The following RBPJ variants were observed in gnomAD, a reference collection of about 807,000 sequenced individuals.
RBPJ encodes recombining binding protein suppressor of hairless.
In RBPJ, 9 loss-of-function variants were observed where a neutral mutation model predicts 67.8. That is an observed-to-expected ratio of 0.13 (90% CI 0.08 to 0.23). The LOEUF is 0.23. RBPJ is among the 10% of genes least tolerant of loss of function. RBPJ has a pLI of 1.00. For synonymous variants in RBPJ, 198 were observed against 203.3 expected, an observed-to-expected ratio of 0.97 and a Z score of 0.22; for missense variants, 305 against 595.6, an observed-to-expected ratio of 0.51 and a Z score of 5.08.
At chr4:26,355,448 G>C (rs1253788232) in intron 1 of RBPJ, among the ~76,000 whole-genome samples, 1 of 147,022 alleles carries the variant, frequency 6.8e-6, no homozygotes, top group Non-Finnish European at 1.5e-5. Context: ...AGGAATTTGA[G>C]ACCATCCTGG....
chr4:26,109,579 C>CTCTCTCTCTA, the RBPJ span, among the ~76,000 whole-genome samples: 5 of 29,392 alleles, frequency 1.7e-4, 1 homozygote, highest in African/African-American at 1.0e-3. Context: ...CTCTCTCTCT[C>CTCTCTCTCTA]TATATATATA....
At chr4:26,385,136 T>G (rs1344576067) in intron 1 of RBPJ, among the ~76,000 whole-genome samples, 1 of 150,078 alleles carries the variant, frequency 6.7e-6, no homozygotes, top group Non-Finnish European at 1.5e-5. Flanking sequence ...TTCTCCTGCC[T>G]CAGCCTCCCA....
At chr4:26,109,889 T>G in the RBPJ span, among the ~76,000 whole-genome samples, 12 of 152,050 alleles carry the variant, frequency 7.9e-5, no homozygotes, top group Non-Finnish European at 1.5e-4. Context: ...ATCACCTTAT[T>G]CATTCTCCCA....
intron 1 of RBPJ, among the ~76,000 whole-genome samples, chr4:26,289,046 A>G (rs1721572617): frequency 6.6e-6 from 1 of 150,966 alleles, no homozygotes; most frequent in African/African-American, 2.4e-5. Flanking sequence ...TTTTATGTTT[A>G]ACTTACATAC....
chr4:26,373,698 G>A (rs541560902), intron 1 of RBPJ, among the ~76,000 whole-genome samples: 2 of 152,266 alleles, frequency 1.3e-5, no homozygotes, highest in Admixed American at 6.5e-5. Context: ...AGTGTAAGCC[G>A]TACATTCAGA....
intron 1 of RBPJ, among the ~76,000 whole-genome samples, chr4:26,288,483 A>G (rs1259934067): frequency 6.6e-6 from 1 of 152,234 alleles, no homozygotes; most frequent in Non-Finnish European, 1.5e-5. Flanking sequence ...GCCACAATGC[A>G]TGTAATGACT....
At chr4:26,380,142 A>T (rs1333884403) in intron 1 of RBPJ, among the ~76,000 whole-genome samples, 4 of 152,350 alleles carry the variant, frequency 2.6e-5, no homozygotes, top group African/African-American at 9.6e-5. Context: ...GTGGAGAATG[A>T]GTAAACTTTT....
rs796423626 is a variant in RBPJ, at chr4:26,214,712, G to GGAAGGA, written c.-167+51100_-167+51101insAGGAGA. Among the ~76,000 whole-genome samples, 238 of 43,846 alleles carry GGAAGGA rather than the reference G, an allele frequency of 5.4e-3. 10 individuals are homozygous for GGAAGGA. Among genetic ancestry groups the GGAAGGA allele is most frequent in the African/African-American group, 0.025 (215 of 8,686 alleles). The allele number at this position is 43,846 out of a possible 152,430, so 28.8% of individuals were successfully genotyped here. ...AGGGAGGAAGGATGGAAGGAAGGAAGGAGAGAGAGAGAAAGAAAGAGGGAA... is the reference window on the plus strand; with the variant it reads ...AGGGAGGAAGGATGGAAGGAAGGAAGGAAGGAGAGAGAGAGAGAAAGAAAGAGGGAA... On this transcript the variant is annotated intron_variant, in intron 1 of 4. Transcript: ENST00000512351.
intron 1 of RBPJ, among the ~76,000 whole-genome samples, chr4:26,210,450 G>A (rs764529812): frequency 8.5e-5 from 13 of 152,112 alleles, no homozygotes; most frequent in African/African-American, 1.7e-4. Context: ...GAGGGCAATC[G>A]CATCAATTTA....
intron 1 of RBPJ, among the ~76,000 whole-genome samples, chr4:26,331,598 G>A (rs887682107): frequency 2.6e-5 from 4 of 152,070 alleles, no homozygotes; most frequent in Non-Finnish European, 4.4e-5. Flanking sequence ...CTCTTTCCTC[G>A]TTTGCTGTGT....
At chr4:26,407,894 T>TC (rs1458263810) in intron 3 of RBPJ, among the ~76,000 whole-genome samples, 2 of 130,848 alleles carry the variant, frequency 1.5e-5, no homozygotes, top group Non-Finnish European at 3.3e-5. Flanking sequence ...TTTTTTTTTT[T>TC]TTTTTTTTTT....
chr4:26,337,342 T>A (rs1293212666), intron 1 of RBPJ, among the ~76,000 whole-genome samples: 1 of 152,200 alleles, frequency 6.6e-6, no homozygotes, highest in Non-Finnish European at 1.5e-5. Context: ...TAATCTTTTT[T>A]AATCTTGTTC....
At chr4:26,300,716 G>A (rs1722046896) in intron 1 of RBPJ, among the ~76,000 whole-genome samples, 2 of 152,174 alleles carry the variant, frequency 1.3e-5, no homozygotes, top group Non-Finnish European at 2.9e-5. Context: ...TTGAATGCAA[G>A]TCCCCTAAGG....
chr4:26,267,612 T>C (rs1054488795), intron 1 of RBPJ, among the ~76,000 whole-genome samples: 1 of 151,756 alleles, frequency 6.6e-6, no homozygotes, highest in African/African-American at 2.4e-5. Context: ...TTTAAATTTA[T>C]TTATTTATTT....
intron 1 of RBPJ, among the ~76,000 whole-genome samples, chr4:26,187,526 T>C (rs1717316618): frequency 6.6e-6 from 1 of 152,158 alleles, no homozygotes. Context: ...CATAAATATA[T>C]TTTAACTCTG....
chr4:26,258,391 C>T (rs1459655823), intron 1 of RBPJ, among the ~76,000 whole-genome samples: 1 of 152,180 alleles, frequency 6.6e-6, no homozygotes, highest in African/African-American at 2.4e-5. Flanking sequence ...AAAATAGGAT[C>T]TGTTTGGGTG....
chr4:26,188,579 A>G (rs1717362458), intron 1 of RBPJ, among the ~76,000 whole-genome samples: 1 of 152,262 alleles, frequency 6.6e-6, no homozygotes, highest in African/African-American at 2.4e-5. Context: ...GTAGAACTAC[A>G]TTAATGCTTT....
the RBPJ span, among the ~76,000 whole-genome samples, chr4:26,124,796 C>T: frequency 2.0e-5 from 3 of 152,214 alleles, no homozygotes; most frequent in South Asian, 6.2e-4. Flanking sequence ...AGCATTACCA[C>T]AAACACGTGA....
chr4:26,149,380 C>T, the RBPJ span, among the ~76,000 whole-genome samples: 14 of 152,152 alleles, frequency 9.2e-5, no homozygotes, highest in Non-Finnish European at 2.1e-4. Context: ...GCTGGATGGA[C>T]TTGGCAAAGG....
Sources: gnomAD v4.1 joint callset for allele counts (sites outside exome capture counted in the v4.1 genomes callset) on GRCh38, gnomAD v4.1.1 for gene constraint, MANE v1.5 for transcripts, NCBI Gene and HGNC (gene_info 2026-07-23, HGNC 2026-07-21) for gene names.